HHLA2: variants seen among roughly 807,000 people sequenced by gnomAD.
HHLA2 encodes HERV-H LTR-associating protein 2.
HHLA2 carries 48 observed loss-of-function variants against 45.9 expected under a neutral mutation model. The ratio of observed to expected loss-of-function variants is 1.05; its 90% confidence interval spans 0.83 to 1.33. The LOEUF (loss-of-function observed/expected upper bound fraction) is 1.33, where lower values mean the gene tolerates loss of function less well. Ranked by LOEUF, HHLA2 falls within the 40% of genes most tolerant of loss-of-function variation. The pLI is 0.00. For synonymous variants in HHLA2, 161 were observed against 173.9 expected (o/e 0.93, Z 0.59); for missense variants, 462 against 494.3 (o/e 0.93, Z 0.62).
intron 8 of HHLA2, among the ~76,000 whole-genome samples, chr3:108,374,182 A>G (rs1207763186): frequency 1.3e-5 from 2 of 150,300 alleles, no homozygotes; most frequent in African/African-American, 2.4e-5. Flanking sequence ...CCGCATATCT[A>G]CAACCATCTG....
chr3:108,375,282 G>A (rs1213748033), intron 8 of HHLA2, among the ~76,000 whole-genome samples: 1 of 145,692 alleles, frequency 6.9e-6, no homozygotes, highest in African/African-American at 2.5e-5. Flanking sequence ...TGAACAATGA[G>A]AACACATGGA....
At chr3:108,315,494 T>A (rs1576106990) in intron 2 of HHLA2, among the ~76,000 whole-genome samples, 1 of 152,350 alleles carries the variant, frequency 6.6e-6, no homozygotes, top group East Asian at 1.9e-4. Context: ...TGCTAAATCC[T>A]CTTTATTAGA....
chr3:108,375,905 A>C (rs980049753), intron 9 of HHLA2, 105 bp downstream of exon 8: 7 of 1,423,956 alleles, frequency 4.9e-6, no homozygotes, highest in African/African-American at 1.4e-5. Flanking sequence ...TAAAAAATAG[A>C]TATATTCCAT....
intron 1 of HHLA2, among the ~76,000 whole-genome samples, chr3:108,308,320 T>C (rs570836619): frequency 4.6e-5 from 7 of 152,218 alleles, no homozygotes; most frequent in Admixed American, 2.0e-4. Flanking sequence ...GCTCCATCCA[T>C]GTCGTTGCAA....
chr3:108,344,045 T>C (rs1479019544), intron 3 of HHLA2, among the ~76,000 whole-genome samples: 1 of 152,218 alleles, frequency 6.6e-6, no homozygotes, highest in Non-Finnish European at 1.5e-5. Context: ...CAGATGTGTC[T>C]AGTTAAAAAC....
chr3:108,366,010 A>C (rs1405812689), intron 8 of HHLA2, among the ~76,000 whole-genome samples: 3 of 152,344 alleles, frequency 2.0e-5, no homozygotes, highest in African/African-American at 7.2e-5. Flanking sequence ...CAAAACTTCC[A>C]ATACTATGTT....
At chr3:108,310,461 A>T (rs1402265778) in intron 1 of HHLA2, among the ~76,000 whole-genome samples, 194 bp from the exon 2 acceptor site, 1 of 152,086 alleles carries the variant, frequency 6.6e-6, no homozygotes, top group Admixed American at 6.6e-5. Context: ...TTAATTGTTA[A>T]TTTTTTTGAA....
intron 2 of HHLA2, chr3:108,328,187 C>T: frequency 4.9e-6 from 3 of 611,694 alleles, no homozygotes; most frequent in Non-Finnish European, 5.2e-6. Flanking sequence ...ATATTTTCTT[C>T]CAAAGGGAAT....
At chr3:108,343,125 C>T (rs2081604324) in intron 3 of HHLA2, among the ~76,000 whole-genome samples, 1 of 152,146 alleles carries the variant, frequency 6.6e-6, no homozygotes, top group Non-Finnish European at 1.5e-5. Context: ...GGGTACCATA[C>T]AAAGAATGAC....
intron 2 of HHLA2, chr3:108,326,547 A>G (rs979332350): frequency 2.0e-5 from 3 of 152,214 alleles, no homozygotes; most frequent in Non-Finnish European, 2.9e-5. Flanking sequence ...GGGAGCTACA[A>G]TTCAAGATAA....
Position 108,355,386 on chromosome 3 carries a change from G to A in HHLA2, c.685+5G>A, listed in dbSNP as rs760891977. On this transcript the variant is annotated splice_donor_5th_base_variant and intron_variant, in intron 6 of 10. Transcript: ENST00000619531. ...CAGGGCGCTGGACGATGAAAGGTAG[G>A]CTCCACAGGACTTTCTGTGTACACG... 12 of 1,611,270 alleles carry A rather than the reference G, an allele frequency of 7.4e-6. No individual in the cohort carries two copies. The highest frequency in any genetic ancestry group is 9.3e-6 in the Non-Finnish European group (11 of 1,178,308).
intron 1 of HHLA2, among the ~76,000 whole-genome samples, chr3:108,306,861 T>C (rs1356708413): frequency 6.6e-6 from 1 of 152,258 alleles, no homozygotes; most frequent in South Asian, 2.1e-4. Context: ...CTTTTTTGAA[T>C]TTTTCTTTTT....
intron 3 of HHLA2, among the ~76,000 whole-genome samples, chr3:108,334,993 A>T (rs1452635464): frequency 6.6e-6 from 1 of 152,204 alleles, no homozygotes; most frequent in Non-Finnish European, 1.5e-5. Flanking sequence ...TAATGCAGTG[A>T]CTAAGGCAGA....
chr3:108,377,503 T>G (rs1481114853), exon 11 of HHLA2: 2 of 517,444 alleles, frequency 3.9e-6, no homozygotes, highest in East Asian at 2.9e-5. Flanking sequence ...AATGCCTGGA[T>G]GTTAAGGATT....
chr3:108,301,867 C>T (rs555024263), intron 1 of HHLA2, among the ~76,000 whole-genome samples: 22 of 152,258 alleles, frequency 1.4e-4, no homozygotes, highest in Admixed American at 4.6e-4. Context: ...AAATTGGTTT[C>T]ATCCGAGTGA....
At chr3:108,368,639 C>T (rs192418236) in intron 8 of HHLA2, among the ~76,000 whole-genome samples, 11 of 139,166 alleles carry the variant, frequency 7.9e-5, no homozygotes, top group East Asian at 7.1e-4. Context: ...AAGACAAAGA[C>T]GTTACATAAT....
intron 8 of HHLA2, among the ~76,000 whole-genome samples, chr3:108,371,741 A>T (rs1422206245): frequency 6.6e-6 from 1 of 152,232 alleles, no homozygotes; most frequent in Non-Finnish European, 1.5e-5. Context: ...GCCGTTACAT[A>T]ATGGTAAAGG....
At chr3:108,334,654 C>T (rs978232654) in intron 3 of HHLA2, among the ~76,000 whole-genome samples, 22 of 152,168 alleles carry the variant, frequency 1.4e-4, no homozygotes, top group Admixed American at 3.9e-4. Flanking sequence ...CTTTAACTGA[C>T]GCACAGGTAT....
At chr3:108,329,214 A>G (rs1333063921) in intron 3 of HHLA2, among the ~76,000 whole-genome samples, 2 of 152,226 alleles carry the variant, frequency 1.3e-5, no homozygotes. Flanking sequence ...TAGAAGTACA[A>G]GTAAACAGAA....
Sources: allele counts gnomAD v4.1 joint callset (sites outside exome capture counted in the v4.1 genomes callset), GRCh38; gene constraint gnomAD v4.1.1; transcripts MANE v1.5; gene names NCBI Gene and HGNC (gene_info 2026-07-23, HGNC 2026-07-21).